Variants in PALM2AKAP2 observed in about 807,000 individuals in gnomAD.
The protein encoded by PALM2AKAP2 is PALM2 and AKAP2 fusion.
Under a neutral mutation model 71.5 loss-of-function variants are expected in PALM2AKAP2, and 37 were observed. That is an observed-to-expected ratio of 0.52 (90% CI 0.40 to 0.68). The LOEUF (loss-of-function observed/expected upper bound fraction) is 0.68. Among genes scored for constraint, PALM2AKAP2 ranks in the 30% least tolerant of loss-of-function variants. The pLI is 0.00. For synonymous variants in PALM2AKAP2, 468 were observed against 478.8 expected (o/e 0.98, Z 0.29); for missense variants, 1,224 against 1,191.8 (o/e 1.03, Z -0.40).
exon 2 of PALM2AKAP2, chr9:110,136,153 T>A: frequency 6.3e-7 from 1 of 1,596,004 alleles, no homozygotes; most frequent in Non-Finnish European, 8.5e-7. Context: ...CTGAGGATGA[T>A]ATCTGGCTAA....
intron 1 of PALM2AKAP2, among the ~76,000 whole-genome samples, chr9:109,693,921 T>G (rs550506817): frequency 1.4e-4 from 21 of 152,174 alleles, no homozygotes; most frequent in African/African-American, 4.1e-4. Context: ...CTGAGTAGTG[T>G]GTTCTTTACC....
chr9:109,759,668 C>T (rs1829020718), intron 1 of PALM2AKAP2, among the ~76,000 whole-genome samples: 1 of 152,112 alleles, frequency 6.6e-6, no homozygotes, highest in Non-Finnish European at 1.5e-5. Context: ...CGTCCTCCTC[C>T]ATGAAATATT....
At chr9:109,763,291 G>A (rs887259058) in intron 1 of PALM2AKAP2, among the ~76,000 whole-genome samples, 2 of 152,046 alleles carry the variant, frequency 1.3e-5, no homozygotes, top group African/African-American at 2.4e-5. Flanking sequence ...CATCCTCCCC[G>A]CCTCCTCAAA....
chr9:110,080,503 G>A (rs1223046329), intron 1 of PALM2AKAP2, among the ~76,000 whole-genome samples: 1 of 152,132 alleles, frequency 6.6e-6, no homozygotes, highest in Admixed American at 6.5e-5. Context: ...AGGAAGAGAT[G>A]GGAAACACGA....
intron 1 of PALM2AKAP2, among the ~76,000 whole-genome samples, chr9:109,696,579 C>T (rs1827973729): frequency 6.6e-6 from 1 of 152,144 alleles, no homozygotes; most frequent in Non-Finnish European, 1.5e-5. Flanking sequence ...CGCTTCTAGT[C>T]ATTGATCACT....
intron 3 of PALM2AKAP2, among the ~76,000 whole-genome samples, chr9:109,916,992 G>A (rs1830708462): frequency 6.6e-6 from 1 of 152,226 alleles, no homozygotes; most frequent in Admixed American, 6.5e-5. Flanking sequence ...TAAAATTACA[G>A]ATGGAATTAG....
chr9:109,733,251 C>A (rs559532143), intron 1 of PALM2AKAP2, among the ~76,000 whole-genome samples: 42 of 152,218 alleles, frequency 2.8e-4, no homozygotes, highest in Non-Finnish European at 4.7e-4. Context: ...CTGGCTTGGT[C>A]AAAGAGGGTC....
intron 6 of PALM2AKAP2, among the ~76,000 whole-genome samples, chr9:109,980,608 A>G (rs1435367124): frequency 6.6e-6 from 1 of 152,168 alleles, no homozygotes; most frequent in Non-Finnish European, 1.5e-5. Flanking sequence ...TGACGACCTA[A>G]TGCAGGCTCA....
intron 1 of PALM2AKAP2, among the ~76,000 whole-genome samples, chr9:110,056,731 T>C (rs1193282799): frequency 2.0e-5 from 3 of 152,218 alleles, no homozygotes; most frequent in African/African-American, 7.2e-5. Context: ...GATTCCTGTT[T>C]GGAATCATTT....
At chr9:109,719,722 A>T (rs766387286) in intron 1 of PALM2AKAP2, among the ~76,000 whole-genome samples, 92 of 152,290 alleles carry the variant, frequency 6.0e-4, no homozygotes, top group Admixed American at 2.4e-3. Context: ...ACAGATGAGG[A>T]TGCCTAGACC....
Position 109,739,878 on chromosome 9 carries a change from G to A in PALM2AKAP2, c.6-40610G>A, listed in dbSNP as rs377636449. Among the ~76,000 whole-genome samples, 19 of 152,226 alleles carry A rather than the reference G, an allele frequency of 1.2e-4. No individual in the cohort carries two copies. In the East Asian group the frequency reaches 1.7e-3, roughly 14 times the overall value. On this transcript the variant is annotated intron_variant, in intron 1 of 6. Transcript: ENST00000374531. ...TTTGAGGCCCTGGAGCTTCCCACCCGGAACACAAAATACACTGTCATGTGT... is the reference window on the plus strand; with the variant it reads ...TTTGAGGCCCTGGAGCTTCCCACCCAGAACACAAAATACACTGTCATGTGT...
At chr9:109,972,406 GGTGA>G (rs1832085314) in intron 6 of PALM2AKAP2, among the ~76,000 whole-genome samples, 1 of 152,230 alleles carries the variant, frequency 6.6e-6, no homozygotes, top group Admixed American at 6.5e-5. Flanking sequence ...GCCAGCTTAG[GGTGA>G]GTATGACTCA....
chr9:109,690,502 G>A (rs1362834302), intron 1 of PALM2AKAP2, among the ~76,000 whole-genome samples: 1 of 152,016 alleles, frequency 6.6e-6, no homozygotes, highest in East Asian at 1.9e-4. Flanking sequence ...TTTTGAAATG[G>A]TCTTCTATTT....
At chr9:110,120,812 C>T (rs978809966) in intron 1 of PALM2AKAP2, among the ~76,000 whole-genome samples, 3 of 152,238 alleles carry the variant, frequency 2.0e-5, no homozygotes, top group African/African-American at 7.2e-5. Context: ...GGCCAAAAGC[C>T]TGCTTTTTGA....
At chr9:109,870,392 C>G (rs1280010358) in intron 2 of PALM2AKAP2, among the ~76,000 whole-genome samples, 1 of 152,158 alleles carries the variant, frequency 6.6e-6, no homozygotes, top group African/African-American at 2.4e-5. Context: ...GATGGAAGTA[C>G]ATTCGTGGAG....
chr9:110,004,366 C>G (rs1588053909), intron 6 of PALM2AKAP2, among the ~76,000 whole-genome samples: 1 of 152,212 alleles, frequency 6.6e-6, no homozygotes, highest in Non-Finnish European at 1.5e-5. Flanking sequence ...CCCCCACTCT[C>G]TCCTGGCTTG....
intron 3 of PALM2AKAP2, among the ~76,000 whole-genome samples, chr9:109,890,129 T>G (rs777987184): frequency 3.3e-5 from 5 of 152,212 alleles, no homozygotes; most frequent in Non-Finnish European, 7.3e-5. Flanking sequence ...GTTGACATAC[T>G]CTTCCACAGT....
chr9:110,061,653 G>A (rs1833967477), intron 1 of PALM2AKAP2, among the ~76,000 whole-genome samples: 1 of 148,824 alleles, frequency 6.7e-6, no homozygotes, highest in Non-Finnish European at 1.5e-5. Context: ...ATATATGTGT[G>A]TGTGTACATA....
chr9:109,802,700 C>T (rs1827466348), intron 1 of PALM2AKAP2, among the ~76,000 whole-genome samples: 1 of 152,198 alleles, frequency 6.6e-6, no homozygotes, highest in Admixed American at 6.5e-5. Flanking sequence ...AAGTGACCCA[C>T]ATCATTCTTC....
Sources: gnomAD v4.1 joint callset for allele counts (sites outside exome capture counted in the v4.1 genomes callset) on GRCh38, gnomAD v4.1.1 for gene constraint, MANE v1.5 for transcripts, NCBI Gene and HGNC (gene_info 2026-07-23, HGNC 2026-07-21) for gene names.